The following ATXN7 variants were observed in gnomAD, a reference collection of about 807,000 sequenced individuals.
ATXN7 encodes ataxin 7, also known as ataxin-7.
Under a neutral mutation model 70.5 loss-of-function variants are expected in ATXN7, and 12 were observed. The ratio of observed to expected loss-of-function variants is 0.17; its 90% CI spans 0.11 to 0.28. ATXN7 has a LOEUF of 0.28. ATXN7 is among the 10% of genes least tolerant of loss of function. The probability of loss-of-function intolerance (pLI) is 1.00; values close to 1 mark genes in which losing one functional copy is unlikely to be tolerated. For synonymous variants in ATXN7, 498 were observed against 448.7 expected (o/e 1.11, Z -1.39); for missense variants, 1,256 against 1,131.7 (o/e 1.11, Z -1.58).
intron 1 of ATXN7, chr3:63,873,656 A>G (rs1426875140): frequency 2.6e-5 from 4 of 152,200 alleles, no homozygotes; most frequent in Non-Finnish European, 4.4e-5. Flanking sequence ...CGACACCATA[A>G]TGATCCCTGG....
At position 63,976,295 on chromosome 3, in the gene ATXN7, G is replaced by C. The variant is rs1458909832; in HGVS notation, c.500-3620G>C. On this transcript the variant is annotated intron_variant, in intron 5 of 12. Coordinates refer to ENST00000674280, the MANE Select transcript of ATXN7 (RefSeq NM_001377405.1). Reference sequence around the variant, plus strand: ...TGGTTTTTCCTTCTTGCTTTCTTGTGGGGGGAAAGCCAGATGCTGTCCTTT... The same window carrying C: ...TGGTTTTTCCTTCTTGCTTTCTTGTCGGGGGAAAGCCAGATGCTGTCCTTT... Among the ~76,000 whole-genome samples, 2 of 152,150 alleles carry C rather than the reference G, an allele frequency of 1.3e-5. 1 individual carries two copies. Among genetic ancestry groups the C allele is most frequent in the South Asian group, 4.1e-4 (2 of 4,830 alleles).
At position 63,912,645 on chromosome 3, in the gene ATXN7, C is replaced by A. The variant is rs773822597; in HGVS notation, c.47C>A (p.Ala16Glu). 2 of 985,402 alleles carry A rather than the reference C, an allele frequency of 2.0e-6. No individual in the cohort carries two copies. The highest frequency in any genetic ancestry group is 1.8e-5 in the African/African-American group (1 of 56,280). 61.0% of individuals were successfully genotyped at this position (985,402 alleles called of 1,614,324 possible). Residue 16 changes from alanine to glutamate, a missense_variant, in exon 3 of 13, where the codon GCG becomes GAG. Transcript: ENST00000674280. ...GACGTCAGGGGGGAGCCGCGCCGCG[C>A]GGCGGCGGCGGCGGGCGGAGCAGCG... is the stretch of plus-strand genomic sequence containing the variant. ...ADDVRGEPRRAAAAAGGAAAA... is the reference protein window; with the variant it reads ...ADDVRGEPRREAAAAGGAAAA...
At chr3:63,915,439 C>T (rs1704224283) in intron 4 of ATXN7, among the ~76,000 whole-genome samples, 2 of 152,210 alleles carry the variant, frequency 1.3e-5, no homozygotes, top group Non-Finnish European at 2.9e-5. Flanking sequence ...ATGTTCAGCA[C>T]TCACTCAGTG....
At chr3:63,957,992 C>G (rs2075066400) in intron 5 of ATXN7, among the ~76,000 whole-genome samples, 1 of 152,180 alleles carries the variant, frequency 6.6e-6, no homozygotes, top group African/African-American at 2.4e-5. Flanking sequence ...ATATATTGAG[C>G]CACTACTGAT....
At chr3:63,965,615 T>C (rs913181287) in intron 5 of ATXN7, among the ~76,000 whole-genome samples, 1 of 152,168 alleles carries the variant, frequency 6.6e-6, no homozygotes, top group Admixed American at 6.5e-5. Context: ...ATTTTTTTCT[T>C]AGGGAAAAAG....
intron 8 of ATXN7, among the ~76,000 whole-genome samples, chr3:63,986,690 A>G (rs373862507): frequency 1.3e-5 from 2 of 152,244 alleles, no homozygotes; most frequent in East Asian, 3.8e-4. Flanking sequence ...AAGAAAATCA[A>G]GTAAAAATGT....
In ATXN7 at chr3:63,912,576, G is replaced by T. The variant is rs1704073067; in HGVS notation, c.-11-12G>T. 8.9e-7 allele frequency: 1 copy of T among 1,122,710 alleles called. No homozygotes were observed. Among genetic ancestry groups the T allele is most frequent in the South Asian group, 2.2e-5 (1 of 45,134 alleles). The allele number at this position is 1,122,710 out of a possible 1,614,324, so 69.5% of individuals were successfully genotyped here. On this transcript the variant is annotated splice_polypyrimidine_tract_variant and intron_variant, in intron 2 of 12. Transcript: ENST00000674280. Reference sequence around the variant, plus strand: ...GCGCGACTCTTTCCCCCTTTTTTTTGTTACATTGTAGGAGCGGAAAGAATG... The same window carrying T: ...GCGCGACTCTTTCCCCCTTTTTTTTTTTACATTGTAGGAGCGGAAAGAATG...
At chr3:63,947,949 GT>G (rs1426936238) in intron 4 of ATXN7, among the ~76,000 whole-genome samples, 2 of 152,144 alleles carry the variant, frequency 1.3e-5, no homozygotes, top group African/African-American at 4.8e-5. Flanking sequence ...GGAAGTGCAG[GT>G]ATATCTGGCA....
intron 5 of ATXN7, among the ~76,000 whole-genome samples, chr3:63,976,884 AC>A (rs1189712813): frequency 4.6e-5 from 7 of 152,240 alleles, no homozygotes; most frequent in African/African-American, 1.4e-4. Flanking sequence ...GCACAGTCTT[AC>A]AAATGTTAAA....
In ATXN7 at chr3:64,000,353, A is replaced by G. The variant is rs948260644; in HGVS notation, c.*886A>G. Reference sequence around the variant, plus strand: ...AACTTTTTTCAAGATTTCCAAAGAGATGAAATTTTCTTAATCCTTTTAAGT... The same window carrying G: ...AACTTTTTTCAAGATTTCCAAAGAGGTGAAATTTTCTTAATCCTTTTAAGT... On this transcript the variant is annotated 3_prime_UTR_variant, in exon 13 of 13. Coordinates refer to ENST00000674280, the MANE Select transcript of ATXN7 (RefSeq NM_001377405.1). 6 of 148,624 alleles carry G rather than the reference A, an allele frequency of 4.0e-5. No homozygotes were observed. Among genetic ancestry groups the G allele is most frequent in the South Asian group, 2.1e-4 (1 of 4,724 alleles). 9.2% of individuals were successfully genotyped at this position (148,624 alleles called of 1,614,324 possible). A position where few individuals can be genotyped will look rare whatever the true frequency, so the allele number is the denominator to read the frequency against.
rs367772998 is a variant in ATXN7 at position 63,995,572 on chromosome 3, G to C, written c.1750G>C (p.Val584Leu). 2 of 1,614,118 alleles carry C rather than the reference G, an allele frequency of 1.2e-6. No individual in the cohort carries two copies. Among genetic ancestry groups the C allele is most frequent in the Admixed American group, 1.7e-5 (1 of 60,028 alleles). Reference sequence around the variant, plus strand: ...ACGTATTCCTCACCGGACAAACTCTGTGCCGACATCACAATGTGGAGTCAG... The same window carrying C: ...ACGTATTCCTCACCGGACAAACTCTCTGCCGACATCACAATGTGGAGTCAG... Reference protein sequence around the residue: ...STRIPHRTNSVPTSQCGVSYL... With the variant: ...STRIPHRTNSLPTSQCGVSYL... Residue 584 changes from valine (V) to leucine (L), a missense_variant, in exon 12 of 13, where the codon GTG (valine) becomes CTG (leucine). Transcript: ENST00000674280.
intron 12 of ATXN7, chr3:63,997,554 C>T (rs2075780657): frequency 1.5e-6 from 2 of 1,362,172 alleles, no homozygotes; most frequent in Admixed American, 4.0e-5. Flanking sequence ...TCACCTGTAG[C>T]TGTTTCTTCC....
At chr3:63,953,034 A>G (rs895517249) in intron 5 of ATXN7, among the ~76,000 whole-genome samples, 2 of 152,108 alleles carry the variant, frequency 1.3e-5, no homozygotes, top group African/African-American at 2.4e-5. Flanking sequence ...ATAGCAAATC[A>G]TAAGTATTTG....
chr3:63,982,222 G>T lies in ATXN7; in HGVS notation c.789G>T (p.Pro263=). The change falls in exon 7 of 13, where the codon CCG becomes CCT. Residue 263 remains proline (P), a synonymous_variant. Transcript: ENST00000674280. ...CTGTGAAAGTGGAAAAGATTCATCC[G>T]AAAATGGATGGCACACTACTGAAAT... ...TPSVKVEKIH[P]KMDGTLLKSA... is the part of the protein sequence containing the mutation. 6.2e-7 allele frequency: 1 copy of T among 1,614,108 alleles called. No homozygotes were observed. The highest frequency in any genetic ancestry group is 8.5e-7 in the Non-Finnish European group (1 of 1,180,034).
chr3:63,875,774 T>G (rs1288921983), intron 1 of ATXN7, among the ~76,000 whole-genome samples: 1 of 152,232 alleles, frequency 6.6e-6, no homozygotes, highest in Non-Finnish European at 1.5e-5. Flanking sequence ...ACTTGACACT[T>G]TTGTTTAATT....
At position 63,881,813 on chromosome 3, in the gene ATXN7, TAAG is replaced by T. The variant is rs113635661; in HGVS notation, c.-110-16583_-110-16581del. On this transcript the variant is annotated intron_variant, in intron 1 of 12. Coordinates refer to ENST00000674280, the MANE Select transcript of ATXN7 (RefSeq NM_001377405.1). Reference sequence around the variant, plus strand: ...GCTTGATTGGAGCATTCTACAGGGCTAAGAACTATAAGGTTGGGCCAGAGAGTA... The same window carrying T: ...GCTTGATTGGAGCATTCTACAGGGCTAACTATAAGGTTGGGCCAGAGAGTA... Among the ~76,000 whole-genome samples the T allele has an allele frequency of 2.3e-3, 354 of 152,312 alleles. 1 individual carries two copies. Among genetic ancestry groups the T allele is most frequent in the African/African-American group, 8.0e-3 (331 of 41,564 alleles).
At chr3:63,910,399 A>G (rs1703971473) in intron 2 of ATXN7, among the ~76,000 whole-genome samples, 1 of 152,226 alleles carries the variant, frequency 6.6e-6, no homozygotes, top group African/African-American at 2.4e-5. Flanking sequence ...AAATGCCGTT[A>G]AAATCCAAAT....
Position 63,990,825 on chromosome 3 carries a change from A to G in ATXN7, c.1648A>G (p.Met550Val), listed in dbSNP as rs375745291. Residue 550 changes from methionine to valine, a missense_variant, in exon 11 of 13, where the codon ATG becomes GTG. Physicochemically the swap from Met to Val is conservative, Grantham distance 21. Transcript: ENST00000674280. Reference protein sequence around the residue: ...WNRLRCALNLMVEKHLNAQLW... With the variant: ...WNRLRCALNLVVEKHLNAQLW... The stretch of plus-strand genomic sequence containing the variant: ...TCGACTTCGCTGCGCCCTCAACCTC[A>G]TGGTGGAGAAGCATCTGAATGCACA... 26 of 1,613,746 alleles carry G rather than the reference A, an allele frequency of 1.6e-5. No homozygotes were observed. Among genetic ancestry groups the G allele is most frequent in the African/African-American group, 2.7e-5 (2 of 75,022 alleles).
At chr3:63,967,278 G>A (rs1295893094) in intron 5 of ATXN7, among the ~76,000 whole-genome samples, 1 of 152,112 alleles carries the variant, frequency 6.6e-6, no homozygotes, top group Admixed American at 6.5e-5. Context: ...CAACAAACTG[G>A]ACAAATGTGG....
Sources: gnomAD v4.1 joint callset for allele counts (sites outside exome capture counted in the v4.1 genomes callset) on GRCh38, gnomAD v4.1.1 for gene constraint, MANE v1.5 for transcripts, NCBI Gene and HGNC (gene_info 2026-07-23, HGNC 2026-07-21) for gene names.